MYBPC1: variants seen among roughly 807,000 people sequenced by gnomAD.
MYBPC1 encodes myosin-binding protein C, slow-type.
MYBPC1 carries 52 observed loss-of-function variants against 147.1 expected under a neutral mutation model. The ratio of observed to expected loss-of-function variants is 0.35; its 90% CI spans 0.28 to 0.45. The LOEUF (loss-of-function observed/expected upper bound fraction) is 0.45, where lower values mean the gene tolerates loss of function less well. Ranked by LOEUF, MYBPC1 falls within the 20% of genes least tolerant of loss-of-function variation. The probability of loss-of-function intolerance (pLI) is 1.00; values close to 1 mark genes in which losing one functional copy is unlikely to be tolerated. For missense variants in MYBPC1, 1,228 were observed against 1,440.3 expected (o/e 0.85, Z 2.39); for synonymous variants, 477 against 475.9 (o/e 1.00, Z -0.03).
chr12:101,634,465 T>C, intron 8 of MYBPC1, 89 bp from the exon 9 acceptor site: 1 of 1,072,924 alleles, frequency 9.3e-7, no homozygotes. Context: ...CATTCTTCCA[T>C]CTAAAGAATC....
rs2136800681 is a variant in MYBPC1, at chr12:101,677,338, G to A, written c.3053G>A (p.Cys1018Tyr). Residue 1018 changes from cysteine to tyrosine, a missense_variant, in exon 27 of 32, where the codon TGT becomes TAT. Physicochemically the swap from Cys to Tyr is radical, Grantham distance 194. Transcript: ENST00000361466. ...TTCCGGGTCTTTTCTGAAAACATGT[G>A]TGGCCTCAGTGAGGATGCCACCATG... ...YYFRVFSENM[C>Y]GLSEDATMTK... is the part of the protein sequence containing the mutation. 2.5e-6 allele frequency: 4 copies of A among 1,613,992 alleles called. No homozygotes were observed. The highest frequency in any genetic ancestry group is 3.4e-6 in the Non-Finnish European group (4 of 1,179,970).
At chr12:101,612,558 T>C (rs990559576) in intron 1 of MYBPC1, among the ~76,000 whole-genome samples, 5 of 152,046 alleles carry the variant, frequency 3.3e-5, no homozygotes, top group Non-Finnish European at 5.9e-5. Context: ...CAAATAATAA[T>C]AGAAATACTT....
In MYBPC1 at chr12:101,672,986, T is replaced by G. The variant is rs562171608; in HGVS notation, c.2614-441T>G. Among the ~76,000 whole-genome samples, 14 of 152,342 alleles carry G rather than the reference T, an allele frequency of 9.2e-5. No homozygotes were observed. The East Asian group carries it at 2.1e-3, about 23-fold the overall frequency. ...TTGAGGCACAGAAAGCTTAGTAACT[T>G]GCCCAGGGTCACACAGACGTTAAGT... On this transcript the variant is annotated intron_variant, in intron 24 of 31. Transcript: ENST00000361466.
At position 101,670,384 on chromosome 12, in the gene MYBPC1, C is replaced by A; in HGVS notation, c.2588C>A (p.Ala863Asp). ...ACCTATATCCGCAGAGTTGGAGAAG[C>A]TGTCAATCTGGTTATACCTTTCCAG... ...KQTYIRRVGE[A>D]VNLVIPFQGK... is the part of the protein sequence containing the mutation. Residue 863 changes from alanine (A) to aspartate (D), a missense_variant, in exon 24 of 32, where the codon GCT (alanine) becomes GAT (aspartate). Coordinates refer to ENST00000361466, the MANE Select transcript of MYBPC1 (RefSeq NM_002465.4). 1 of 1,613,964 alleles carries A rather than the reference C, an allele frequency of 6.2e-7. No individual in the cohort carries two copies. The highest frequency in any genetic ancestry group is 8.5e-7 in the Non-Finnish European group (1 of 1,179,846).
intron 1 of MYBPC1, among the ~76,000 whole-genome samples, chr12:101,596,440 T>C (rs1244028804): frequency 6.6e-6 from 1 of 152,262 alleles, no homozygotes; most frequent in African/African-American, 2.4e-5. Flanking sequence ...TTATCTGCTC[T>C]GTCACTTTAA....
chr12:101,639,113 C>A (rs1891539685), intron 10 of MYBPC1, among the ~76,000 whole-genome samples: 1 of 152,154 alleles, frequency 6.6e-6, no homozygotes, highest in Admixed American at 6.5e-5. Flanking sequence ...TAGACATTAG[C>A]TAAATCAGAT....
rs772923555 is a variant in MYBPC1 at position 101,629,459 on chromosome 12, T to A, written c.204T>A (p.Pro68=). The A allele has an allele frequency of 4.0e-5, 64 of 1,612,984 alleles. No individual in the cohort carries two copies. The Admixed American group carries it at 9.0e-4, about 23-fold the overall frequency. Residue 68 remains proline, a synonymous_variant, in exon 6 of 32, where the codon CCT becomes CCA. Transcript: ENST00000361466. ...ACTGGACCCTTGTCGAAACTCCTCC[T>A]GGGGAGGAACAAGCCAAGCAGAATG... The part of the protein sequence containing the change: ...DSDWTLVETP[P]GEEQAKQNAN...
At chr12:101,606,024 G>A (rs1565882427) in intron 1 of MYBPC1, among the ~76,000 whole-genome samples, 1 of 151,672 alleles carries the variant, frequency 6.6e-6, no homozygotes, top group East Asian at 1.9e-4. Flanking sequence ...GCGAAACTTC[G>A]TCTCTACTAA....
At chr12:101,633,062 C>A (rs1890233790) in intron 8 of MYBPC1, among the ~76,000 whole-genome samples, 1 of 152,174 alleles carries the variant, frequency 6.6e-6, no homozygotes, top group African/African-American at 2.4e-5. Flanking sequence ...CTGGGCTATT[C>A]CAAGTGCTAT....
chr12:101,684,286 T>C, intron 30 of MYBPC1, 96 bp from the exon 31 acceptor site: 1 of 952,130 alleles, frequency 1.1e-6, no homozygotes, highest in South Asian at 1.3e-5. Context: ...TTCATAATCA[T>C]GACCATAATT....
intron 6 of MYBPC1, among the ~76,000 whole-genome samples, chr12:101,630,072 C>A (rs1174679554): frequency 1.3e-5 from 2 of 152,204 alleles, no homozygotes; most frequent in African/African-American, 4.8e-5. Context: ...TAGGCCCTGG[C>A]AACCATTAAT....
chr12:101,687,512 C>T (rs1033865922), downstream of MYBPC1, among the ~76,000 whole-genome samples: 20 of 152,056 alleles, frequency 1.3e-4, no homozygotes, highest in Admixed American at 2.6e-4. Context: ...TGAGTAGTGC[C>T]GCAATAAACA....
At chr12:101,618,564 A>G (rs1886668657) in intron 3 of MYBPC1, among the ~76,000 whole-genome samples, 1 of 152,234 alleles carries the variant, frequency 6.6e-6, no homozygotes, top group Non-Finnish European at 1.5e-5. Context: ...CAACCAACAG[A>G]GCAGATGATG....
chr12:101,667,850 C>G lies in MYBPC1; in HGVS notation c.2475C>G (p.Ala825=). 6.2e-7 allele frequency: 1 copy of G among 1,614,146 alleles called. No individual in the cohort carries two copies. The highest frequency in any genetic ancestry group is 8.5e-7 in the Non-Finnish European group (1 of 1,180,018). ...TGAAGGCTGTTAATGCAGCTGGTGC[C>G]AGCGAGCCCAAGTACTATTCTCAGC... ...VRVKAVNAAG[A]SEPKYYSQPI... Residue 825 remains alanine (A), a synonymous_variant, in exon 23 of 32, where the codon GCC becomes GCG. Transcript: ENST00000361466.
At chr12:101,681,555 CAT>C (rs1206495774) in intron 29 of MYBPC1, among the ~76,000 whole-genome samples, 1,924 of 23,102 alleles carry the variant, frequency 0.083, 62 homozygotes, top group Non-Finnish European at 0.11. Context: ...AAATAACTTT[CAT>C]ATATATATAT....
At chr12:101,614,363 C>A in intron 1 of MYBPC1, 133 bp from the exon 2 acceptor site, 2 of 863,602 alleles carry the variant, frequency 2.3e-6, no homozygotes, top group Non-Finnish European at 3.8e-6. Context: ...GAATGTGTTT[C>A]CCTCCTCCAT....
At chr12:101,626,146 G>A (rs1888564248) in intron 3 of MYBPC1, among the ~76,000 whole-genome samples, 1 of 148,634 alleles carries the variant, frequency 6.7e-6, no homozygotes, top group East Asian at 2.1e-4. Context: ...AGGTCAATTA[G>A]GTAGGCTGAC....
At chr12:101,695,223 T>C in the MYBPC1 span, among the ~76,000 whole-genome samples, 1 of 152,218 alleles carries the variant, frequency 6.6e-6, no homozygotes, top group Non-Finnish European at 1.5e-5. Flanking sequence ...CCCACAACTG[T>C]TGCCTGAAAC....
intron 14 of MYBPC1, 145 bp downstream of exon 14, chr12:101,648,295 AG>A: frequency 1.6e-6 from 1 of 610,458 alleles, no homozygotes; most frequent in East Asian, 3.3e-5. Flanking sequence ...GATAAATAAA[AG>A]TATACTAATA....
Sources: allele counts gnomAD v4.1 joint callset (sites outside exome capture counted in the v4.1 genomes callset), GRCh38; gene constraint gnomAD v4.1.1; transcripts MANE v1.5; gene names NCBI Gene and HGNC (gene_info 2026-07-23, HGNC 2026-07-21).